SSBP2: variants seen among roughly 807,000 people sequenced by gnomAD.
SSBP2 encodes single stranded DNA binding protein 2.
SSBP2 carries 17 observed loss-of-function variants against 61.8 expected under a neutral mutation model. The observed-to-expected ratio is 0.28, with a 90% CI of 0.19 to 0.41. The LOEUF is 0.41. SSBP2 is among the 10% of genes least tolerant of loss of function. SSBP2 has a pLI of 1.00. For missense variants in SSBP2, 310 were observed against 458.7 expected, an observed-to-expected ratio of 0.68 and a Z score of 2.96; for synonymous variants, 139 against 141.3, an observed-to-expected ratio of 0.98 and a Z score of 0.12.
intron 1 of SSBP2, among the ~76,000 whole-genome samples, chr5:81,683,505 T>G (rs1752553131): frequency 6.6e-6 from 1 of 152,106 alleles, no homozygotes; most frequent in South Asian, 2.1e-4. Context: ...TATACCTAAA[T>G]GAAAATGTAA....
chr5:81,702,813 A>C (rs142428583), intron 1 of SSBP2, among the ~76,000 whole-genome samples: 141 of 152,326 alleles, frequency 9.3e-4, no homozygotes, highest in African/African-American at 3.2e-3. Context: ...TAGTATCTTC[A>C]TTGCCTTTAG....
At chr5:81,518,542 T>C (rs960327720) in intron 4 of SSBP2, among the ~76,000 whole-genome samples, 2 of 152,156 alleles carry the variant, frequency 1.3e-5, no homozygotes, top group Non-Finnish European at 2.9e-5. Context: ...TCTTGGACTT[T>C]CCTGCCTCCA....
chr5:81,652,538 T>C (rs1444341988), intron 1 of SSBP2, among the ~76,000 whole-genome samples: 1 of 152,188 alleles, frequency 6.6e-6, no homozygotes, highest in African/African-American at 2.4e-5. Flanking sequence ...CAGCTCATTG[T>C]TACCAACAGG....
intron 2 of SSBP2, among the ~76,000 whole-genome samples, chr5:81,637,294 TTGATAACC>T (rs1370771328): frequency 6.6e-6 from 1 of 152,238 alleles, no homozygotes; most frequent in Non-Finnish European, 1.5e-5. Context: ...TCCAATTTTT[TTGATAACC>T]ACAAGCTCTT....
At chr5:81,551,246 C>T (rs530800965) in intron 4 of SSBP2, among the ~76,000 whole-genome samples, 1 of 151,782 alleles carries the variant, frequency 6.6e-6, no homozygotes, top group Admixed American at 6.6e-5. Flanking sequence ...ACTAAAAATA[C>T]ATTTGGTTTT....
chr5:81,739,219 G>GTCAT (rs560323894), intron 1 of SSBP2, among the ~76,000 whole-genome samples: 23 of 140,444 alleles, frequency 1.6e-4, no homozygotes, highest in Admixed American at 1.6e-3. Context: ...AGGTCAAGTT[G>GTCAT]TCATTTAAGG....
At chr5:81,562,537 T>C (rs1773129774) in intron 4 of SSBP2, among the ~76,000 whole-genome samples, 1 of 152,082 alleles carries the variant, frequency 6.6e-6, no homozygotes. Context: ...AAATATGATA[T>C]AAAGAACCAT....
intron 4 of SSBP2, among the ~76,000 whole-genome samples, chr5:81,577,245 C>T (rs1774283362): frequency 6.6e-6 from 1 of 151,906 alleles, no homozygotes; most frequent in African/African-American, 2.4e-5. Flanking sequence ...GTACTGCTGG[C>T]AGTATTTTTG....
At chr5:81,750,839 C>G (rs1757718114) in intron 1 of SSBP2, 142 bp downstream of exon 1, 1 of 920,882 alleles carries the variant, frequency 1.1e-6, no homozygotes, top group African/African-American at 1.7e-5. Context: ...CCACACGCCC[C>G]CATCGCGGCA....
At chr5:81,550,934 A>G (rs1005837487) in intron 4 of SSBP2, among the ~76,000 whole-genome samples, 1 of 152,040 alleles carries the variant, frequency 6.6e-6, no homozygotes, top group Non-Finnish European at 1.5e-5. Context: ...GTCTCTACTA[A>G]AAATACAGAA....
chr5:81,535,046 A>G (rs1363224869), intron 4 of SSBP2, among the ~76,000 whole-genome samples: 2 of 152,054 alleles, frequency 1.3e-5, no homozygotes, highest in African/African-American at 4.8e-5. Flanking sequence ...GCAATCAAGA[A>G]GAGAGTGATG....
intron 2 of SSBP2, among the ~76,000 whole-genome samples, chr5:81,640,423 G>T (rs1242034785): frequency 2.0e-5 from 3 of 152,094 alleles, no homozygotes; most frequent in African/African-American, 7.2e-5. Flanking sequence ...TAAGGAACTT[G>T]AAGTTAGAAA....
chr5:81,471,932 T>C (rs749305969), intron 8 of SSBP2, among the ~76,000 whole-genome samples: 52 of 152,100 alleles, frequency 3.4e-4, no homozygotes, highest in Non-Finnish European at 7.2e-4. Context: ...AAACAATGCA[T>C]ATATACAATA....
chr5:81,443,413 A>G (rs1763163488), intron 12 of SSBP2: 2 of 152,208 alleles, frequency 1.3e-5, no homozygotes, highest in African/African-American at 2.4e-5. Context: ...GCTAATTCTA[A>G]TTAAGTCTCT....
intron 4 of SSBP2, among the ~76,000 whole-genome samples, chr5:81,607,940 T>C (rs983492469): frequency 6.6e-6 from 1 of 152,192 alleles, no homozygotes; most frequent in Admixed American, 6.5e-5. Flanking sequence ...ATAACAGTTA[T>C]GCTATCCAAG....
At chr5:81,487,044 A>G (rs941379245) in intron 6 of SSBP2, among the ~76,000 whole-genome samples, 7 of 152,226 alleles carry the variant, frequency 4.6e-5, no homozygotes, top group Non-Finnish European at 7.3e-5. Context: ...GTAAATTAGT[A>G]ATTTTAACTT....
At chr5:81,696,615 G>T (rs1581368452) in intron 1 of SSBP2, among the ~76,000 whole-genome samples, 1 of 152,160 alleles carries the variant, frequency 6.6e-6, no homozygotes, top group African/African-American at 2.4e-5. Flanking sequence ...GTTAGTTCTG[G>T]AGTTCAACTA....
intron 1 of SSBP2, among the ~76,000 whole-genome samples, chr5:81,742,817 T>C (rs1296130407): frequency 6.6e-6 from 1 of 152,064 alleles, no homozygotes; most frequent in African/African-American, 2.4e-5. Context: ...TGTGTGGAAG[T>C]TGCAGAGAGC....
chr5:81,471,741 A>G (rs1765257337), intron 8 of SSBP2, among the ~76,000 whole-genome samples: 1 of 152,000 alleles, frequency 6.6e-6, no homozygotes, highest in Non-Finnish European at 1.5e-5. Flanking sequence ...AAATAAAAGA[A>G]ACTGGTTTCT....
Sources: allele counts gnomAD v4.1 joint callset (sites outside exome capture counted in the v4.1 genomes callset), GRCh38; gene constraint gnomAD v4.1.1; transcripts MANE v1.5; gene names NCBI Gene and HGNC (gene_info 2026-07-23, HGNC 2026-07-21).